The following ADAM10 variants were observed in gnomAD, a reference collection of about 807,000 sequenced individuals.
The protein encoded by ADAM10 is disintegrin and metalloproteinase domain-containing protein 10.
A neutral mutation model predicts 90.1 loss-of-function variants in ADAM10; 17 were observed. That is an observed-to-expected ratio of 0.19 (90% CI 0.13 to 0.28). The LOEUF is 0.28. ADAM10 is among the 10% of genes least tolerant of loss of function. ADAM10 has a pLI of 1.00. For synonymous variants in ADAM10, 310 were observed against 298.6 expected, an observed-to-expected ratio of 1.04 and a Z score of -0.40; for missense variants, 610 against 914.3, an observed-to-expected ratio of 0.67 and a Z score of 4.29.
chr15:58,705,984 G>T lies in ADAM10; in HGVS notation c.206+11593C>A, dbSNP rs181975586. ...TAAAGGAAAATTTAATATATTTAGG[G>T]TTTAGTACCATCCACAGTTTCAGGC... On this transcript the variant is annotated intron_variant, in intron 2 of 15. Transcript: ENST00000260408. Among the ~76,000 whole-genome samples the T allele has an allele frequency of 9.1e-4, 139 of 152,242 alleles. 1 individual carries two copies. Among genetic ancestry groups the T allele is most frequent in the Middle Eastern group, 3.4e-3 (1 of 294 alleles).
intron 8 of ADAM10, among the ~76,000 whole-genome samples, chr15:58,639,772 G>A (rs1896366752): frequency 6.6e-6 from 1 of 151,610 alleles, no homozygotes; most frequent in Admixed American, 6.6e-5. Context: ...AAAGGAGAAA[G>A]AAATACAAAG....
At chr15:58,718,993 C>A (rs894670623) in intron 1 of ADAM10, among the ~76,000 whole-genome samples, 2 of 152,212 alleles carry the variant, frequency 1.3e-5, no homozygotes, top group African/African-American at 2.4e-5. Context: ...TGTTTCCCCT[C>A]TCAGGGTCCT....
chr15:58,703,127 C>A (rs1898178117), intron 2 of ADAM10, among the ~76,000 whole-genome samples: 1 of 151,958 alleles, frequency 6.6e-6, no homozygotes, highest in Non-Finnish European at 1.5e-5. Flanking sequence ...ACAACCCAAC[C>A]ACATACTACC....
chr15:58,621,642 A>C (rs751345362), intron 10 of ADAM10, 21 bp from the exon 11 acceptor site: 2 of 1,613,306 alleles, frequency 1.2e-6, no homozygotes, highest in Admixed American at 3.3e-5. Context: ...TAAACAAGAC[A>C]AAGTAAGCAT....
intron 14 of ADAM10, among the ~76,000 whole-genome samples, chr15:58,602,060 G>C (rs1895126145): frequency 6.6e-6 from 1 of 152,256 alleles, no homozygotes; most frequent in Middle Eastern, 3.4e-3. Flanking sequence ...ATTTTGTAGG[G>C]ACCTAATTTG....
chr15:58,606,874 AG>A (rs1212765443), intron 14 of ADAM10, among the ~76,000 whole-genome samples: 1 of 152,218 alleles, frequency 6.6e-6, no homozygotes, highest in East Asian at 1.9e-4. Context: ...TTCCCATAAA[AG>A]CCCAGATAAA....
Position 58,669,547 on chromosome 15 carries a change from T to G in ADAM10, c.485-4350A>C, listed in dbSNP as rs557432972. The stretch of plus-strand genomic sequence containing the variant: ...GCTTAAATTAAAATTCTTTGGGTAT[T>G]TTGCTTGTCTTGTTTCCAAATGCCC... On this transcript the variant is annotated intron_variant, in intron 4 of 15. Coordinates refer to ENST00000260408, the MANE Select transcript of ADAM10 (RefSeq NM_001110.4). 2.4e-4 allele frequency among the ~76,000 whole-genome samples: 36 copies of G among 152,276 alleles called. 1 individual carries two copies. Among genetic ancestry groups the G allele is most frequent in the African/African-American group, 6.7e-4 (28 of 41,572 alleles).
intron 2 of ADAM10, among the ~76,000 whole-genome samples, chr15:58,702,520 T>C (rs1898164242): frequency 6.6e-6 from 1 of 152,230 alleles, no homozygotes; most frequent in Non-Finnish European, 1.5e-5. Context: ...CTAAATGCTA[T>C]GAATTGATCA....
At chr15:58,633,165 T>C (rs1411778510) in intron 9 of ADAM10, 31 bp downstream of exon 9, 1 of 1,574,416 alleles carries the variant, frequency 6.4e-7, no homozygotes, top group South Asian at 1.1e-5. Flanking sequence ...CTAATAAGTA[T>C]TTTTTAAGCT....
intron 11 of ADAM10, among the ~76,000 whole-genome samples, chr15:58,620,044 G>GA (rs1319122642): frequency 6.6e-6 from 1 of 151,932 alleles, no homozygotes; most frequent in Non-Finnish European, 1.5e-5. Flanking sequence ...GGCTACAATG[G>GA]AAAATGGATT....
intron 15 of ADAM10, among the ~76,000 whole-genome samples, chr15:58,598,294 T>C (rs1018432461): frequency 2.6e-5 from 4 of 152,244 alleles, no homozygotes; most frequent in African/African-American, 9.6e-5. Context: ...AATGTTTCAC[T>C]GAATAAGACC....
intron 1 of ADAM10, among the ~76,000 whole-genome samples, chr15:58,731,985 AG>A (rs1899262716): frequency 6.6e-6 from 1 of 152,226 alleles, no homozygotes; most frequent in Admixed American, 6.5e-5. Context: ...ATCTTCTAGA[AG>A]GAAAAGAGCC....
chr15:58,663,092 G>A (rs1299715394), intron 5 of ADAM10, among the ~76,000 whole-genome samples: 3 of 152,194 alleles, frequency 2.0e-5, no homozygotes, highest in Non-Finnish European at 4.4e-5. Flanking sequence ...GTTGTTTGTT[G>A]TAGAAAGCCT....
rs143414691 is a variant in ADAM10, at chr15:58,692,559, G to A, written c.207-10245C>T. ...TCTCTGGTTCCTTCTCCAAATAAAC[G>A]GCGATAAGACAGCCTATGAACTGAG... On this transcript the variant is annotated intron_variant, in intron 2 of 15. Coordinates refer to ENST00000260408, the MANE Select transcript of ADAM10 (RefSeq NM_001110.4). 13 of 543,514 alleles carry A rather than the reference G, an allele frequency of 2.4e-5. No individual in the cohort carries two copies. In the East Asian group the frequency reaches 3.0e-4, roughly 13 times the overall value. 33.7% of individuals were successfully genotyped at this position (543,514 alleles called of 1,614,324 possible).
intron 2 of ADAM10, chr15:58,692,844 C>A (rs915797904): frequency 3.0e-6 from 2 of 659,668 alleles, no homozygotes; most frequent in Middle Eastern, 2.6e-4. Flanking sequence ...CTGCACAAGA[C>A]TGAAAAGCCT....
At position 58,633,196 on chromosome 15, in the gene ADAM10, T is replaced by G; in HGVS notation, c.1176A>C (p.Pro392=). The change falls in exon 9 of 16, where the codon CCA becomes CCC. Residue 392 remains proline, a splice_region_variant and synonymous_variant. Coordinates refer to ENST00000260408, the MANE Select transcript of ADAM10 (RefSeq NM_001110.4). ...AAGCTAATAATTAGACAATACTTAC[T>G]GGGGATCCAAAGTTATGTCCAACTT... The part of the protein sequence containing the change: ...AHEVGHNFGS[P]HDSGTECTPG... 1 of 1,609,858 alleles carries G rather than the reference T, an allele frequency of 6.2e-7. No homozygotes were observed. The highest frequency in any genetic ancestry group is 8.5e-7 in the Non-Finnish European group (1 of 1,176,284).
At chr15:58,749,366 C>G in intron 1 of ADAM10, 114 bp downstream of exon 1, 1 of 1,206,386 alleles carries the variant, frequency 8.3e-7, no homozygotes, top group Middle Eastern at 3.3e-4. Context: ...AGTGGCGCCG[C>G]TGGCCGGCTG....
intron 1 of ADAM10, among the ~76,000 whole-genome samples, chr15:58,735,127 T>C (rs1899386974): frequency 6.6e-6 from 1 of 152,224 alleles, no homozygotes; most frequent in South Asian, 2.1e-4. Context: ...CCCATCTCTA[T>C]CTGAACACAG....
chr15:58,697,684 T>A (rs1251329708), intron 2 of ADAM10, among the ~76,000 whole-genome samples: 1 of 151,994 alleles, frequency 6.6e-6, no homozygotes, highest in Non-Finnish European at 1.5e-5. Flanking sequence ...CCCAGGAGCC[T>A]GAGAATCTGC....
Sources: gnomAD v4.1 joint callset for allele counts (sites outside exome capture counted in the v4.1 genomes callset) on GRCh38, gnomAD v4.1.1 for gene constraint, MANE v1.5 for transcripts, NCBI Gene and HGNC (gene_info 2026-07-23, HGNC 2026-07-21) for gene names.